Variants in GOLT1B observed in about 807,000 individuals in gnomAD.
The protein encoded by GOLT1B is golgi transport 1B, also known as vesicle transport protein GOT1B.
GOLT1B carries 3 observed loss-of-function variants against 15.4 expected under a neutral mutation model. That is an observed-to-expected ratio of 0.19 (90% CI 0.09 to 0.50). The LOEUF (loss-of-function observed/expected upper bound fraction) is 0.50, where lower values mean the gene tolerates loss of function less well. Ranked by LOEUF, GOLT1B falls within the 20% of genes least tolerant of loss-of-function variation. The probability of loss-of-function intolerance (pLI) is 0.97; values close to 1 mark genes in which losing one functional copy is unlikely to be tolerated. For missense variants in GOLT1B, 145 were observed against 160.4 expected (o/e 0.90, Z 0.52); for synonymous variants, 65 against 56.2 (o/e 1.16, Z -0.70).
intron 3 of GOLT1B, among the ~76,000 whole-genome samples, chr12:21,510,270 T>C (rs1943710098): frequency 6.6e-6 from 1 of 152,162 alleles, no homozygotes; most frequent in Non-Finnish European, 1.5e-5. Flanking sequence ...GTAAAGATCA[T>C]AGTGGCTAAG....
At chr12:21,507,514 A>ATGTGTGTGTGTGTG (rs148998436) in intron 2 of GOLT1B, among the ~76,000 whole-genome samples, 48 of 147,684 alleles carry the variant, frequency 3.3e-4, no homozygotes, top group Non-Finnish European at 4.9e-4. Flanking sequence ...AAGACACTGT[A>ATGTGTGTGTGTGTG]TGTGTGTGTG....
chr12:21,504,470 C>T, intron 1 of GOLT1B: 1 of 451,420 alleles, frequency 2.2e-6, no homozygotes, highest in Admixed American at 2.4e-5. Context: ...GGCAATGTCT[C>T]CCGCTGGACT....
intron 2 of GOLT1B, 101 bp downstream of exon 2, chr12:21,507,077 A>T: frequency 4.4e-6 from 3 of 679,426 alleles, no homozygotes; most frequent in Middle Eastern, 2.4e-4. Context: ...ATTCACTATT[A>T]CTCATAAGTA....
rs937337807 is a variant in GOLT1B, at chr12:21,516,361, A to G, written c.*654A>G. 6.6e-6 allele frequency: 1 copy of G among 152,140 alleles called. No homozygotes were observed. Among genetic ancestry groups the G allele is most frequent in the Non-Finnish European group, 1.5e-5 (1 of 67,984 alleles). 9.4% of individuals were successfully genotyped at this position (152,140 alleles called of 1,614,324 possible). ...TTCTTTACTAACTTTTAGTTACTAA[A>G]TTATAGCTAAGTTTTGTCAGCAGCA... is the stretch of plus-strand genomic sequence containing the variant. On this transcript the variant is annotated 3_prime_UTR_variant, in exon 5 of 5. Transcript: ENST00000229314.
intron 1 of GOLT1B, among the ~76,000 whole-genome samples, chr12:21,506,282 TAA>T (rs1036734308): frequency 1.3e-5 from 2 of 152,076 alleles, no homozygotes; most frequent in African/African-American, 4.8e-5. Context: ...ATCAAGAAAT[TAA>T]AAGTGATGCC....
At chr12:21,508,922 T>C (rs536082170) in intron 3 of GOLT1B, among the ~76,000 whole-genome samples, 12 of 151,860 alleles carry the variant, frequency 7.9e-5, no homozygotes, top group African/African-American at 2.4e-4. Flanking sequence ...GATAGATAGA[T>C]CCAGCATTTT....
intron 1 of GOLT1B, chr12:21,504,425 T>C (rs1943663865): frequency 2.4e-6 from 1 of 420,430 alleles, no homozygotes; most frequent in Admixed American, 2.4e-5. Flanking sequence ...CTTGGCAATG[T>C]CATTGCCAGT....
Position 21,515,752 on chromosome 12 carries a change from T to C in GOLT1B, c.*45T>C. 1 of 858,348 alleles carries C rather than the reference T, an allele frequency of 1.2e-6. No homozygotes were observed. The highest frequency in any genetic ancestry group is 1.9e-6 in the Non-Finnish European group (1 of 517,706). The allele number at this position is 858,348 out of a possible 1,614,324, so 53.2% of individuals were successfully genotyped here. On this transcript the variant is annotated 3_prime_UTR_variant, in exon 5 of 5. Coordinates refer to ENST00000229314, the MANE Select transcript of GOLT1B (RefSeq NM_016072.5). ...CTCATTTAAAATATTGTGTTATTTA[T>C]AAAGTCATTTGAAGAATATTCAGCA...
At chr12:21,504,165 C>A (rs999518746) in intron 1 of GOLT1B, among the ~76,000 whole-genome samples, 1 of 152,136 alleles carries the variant, frequency 6.6e-6, no homozygotes, top group Non-Finnish European at 1.5e-5. Flanking sequence ...TAGACAGATT[C>A]GTTTTATTAA....
At chr12:21,509,858 T>C (rs1358812498) in intron 3 of GOLT1B, among the ~76,000 whole-genome samples, 3 of 152,112 alleles carry the variant, frequency 2.0e-5, no homozygotes, top group Non-Finnish European at 4.4e-5. Context: ...ATGTGATCAG[T>C]TGAAGGAAAT....
rs753946534 is a variant in GOLT1B, at chr12:21,516,622, C to G, written c.*915C>G. The stretch of plus-strand genomic sequence containing the variant: ...CTTCTTTCTTTTTTTTAAATTTTAG[C>G]AGTGGCTTATTATTTGTTTTTCATA... On this transcript the variant is annotated 3_prime_UTR_variant, in exon 5 of 5. Transcript: ENST00000229314. 1.3e-5 allele frequency: 2 copies of G among 151,738 alleles called. No homozygotes were observed. The highest frequency in any genetic ancestry group is 4.8e-5 in the African/African-American group (2 of 41,334). 9.4% of individuals were successfully genotyped at this position (151,738 alleles called of 1,614,324 possible). A position where few individuals can be genotyped will look rare whatever the true frequency, so the allele number is the denominator to read the frequency against.
chr12:21,516,039 T>A lies in GOLT1B; in HGVS notation c.*332T>A, dbSNP rs533358847. On this transcript the variant is annotated 3_prime_UTR_variant, in exon 5 of 5. Transcript: ENST00000229314. ...CTTAGAGAACTGTGGTGCCTGTTTC[T>A]TTTCTTTTTATTTTGAAGGCTCAGG... 4.8e-6 allele frequency: 1 copy of A among 207,810 alleles called. No individual in the cohort carries two copies. The highest frequency in any genetic ancestry group is 1.4e-4 in the South Asian group (1 of 7,200). 12.9% of individuals were successfully genotyped at this position (207,810 alleles called of 1,614,324 possible).
At chr12:21,512,149 T>A (rs1228166365) in intron 3 of GOLT1B, 146 bp from the exon 4 acceptor site, 2 of 581,196 alleles carry the variant, frequency 3.4e-6, no homozygotes, top group Non-Finnish European at 6.1e-6. Flanking sequence ...TCACAAAATT[T>A]TTAATTAAGT....
chr12:21,507,693 GA>G (rs1943689612), intron 2 of GOLT1B, among the ~76,000 whole-genome samples: 2 of 152,034 alleles, frequency 1.3e-5, no homozygotes, highest in Non-Finnish European at 2.9e-5. Context: ...GTATTTGTGC[GA>G]AATATTTTTC....
At position 21,515,809 on chromosome 12, in the gene GOLT1B, G is replaced by A; in HGVS notation, c.*102G>A. ...TAAATTACATGAAATAGCTTGTAAT[G>A]TTCTTTACAGGAGTTTAAAACGTAT... On this transcript the variant is annotated 3_prime_UTR_variant, in exon 5 of 5. Coordinates refer to ENST00000229314, the MANE Select transcript of GOLT1B (RefSeq NM_016072.5). The A allele has an allele frequency of 1.5e-6, 1 of 665,050 alleles. No homozygotes were observed. Among genetic ancestry groups the A allele is most frequent in the Non-Finnish European group, 2.6e-6 (1 of 379,296 alleles). 41.2% of individuals were successfully genotyped at this position (665,050 alleles called of 1,614,324 possible).
intron 1 of GOLT1B, among the ~76,000 whole-genome samples, chr12:21,502,760 T>C (rs1943644902): frequency 1.3e-5 from 2 of 152,312 alleles, no homozygotes; most frequent in South Asian, 4.1e-4. Context: ...TTAATAATTT[T>C]TGTATTTATG....
In GOLT1B at chr12:21,516,130, T is replaced by G. The variant is rs1240416391; in HGVS notation, c.*423T>G. 2 of 154,916 alleles carry G rather than the reference T, an allele frequency of 1.3e-5. No individual in the cohort carries two copies. The highest frequency in any genetic ancestry group is 2.9e-5 in the Non-Finnish European group (2 of 69,988). 9.6% of individuals were successfully genotyped at this position (154,916 alleles called of 1,614,324 possible). ...ATGGCAAAAATATTTCCAGTTGCAC[T>G]GTATCTCTGGAAGTGATGCATGAAT... On this transcript the variant is annotated 3_prime_UTR_variant, in exon 5 of 5. Coordinates refer to ENST00000229314, the MANE Select transcript of GOLT1B (RefSeq NM_016072.5).
intron 4 of GOLT1B, 60 bp from the exon 5 acceptor site, chr12:21,515,609 A>T (rs750589910): frequency 2.5e-5 from 21 of 833,948 alleles, no homozygotes; most frequent in Non-Finnish European, 3.6e-5. Flanking sequence ...TTAAATATTG[A>T]TATAATGTTT....
intron 2 of GOLT1B, among the ~76,000 whole-genome samples, chr12:21,507,514 A>ATG (rs148998436): frequency 0.093 from 13,683 of 147,560 alleles, 726 homozygotes; most frequent in Non-Finnish European, 0.11. Context: ...AAGACACTGT[A>ATG]TGTGTGTGTG....
Sources: allele counts gnomAD v4.1 joint callset (sites outside exome capture counted in the v4.1 genomes callset), GRCh38; gene constraint gnomAD v4.1.1; transcripts MANE v1.5; gene names NCBI Gene and HGNC (gene_info 2026-07-23, HGNC 2026-07-21).